The following DSCAML1 variants were observed in gnomAD, a reference collection of about 807,000 sequenced individuals.
DSCAML1 encodes the protein DS cell adhesion molecule like 1, also known as cell adhesion molecule DSCAML1.
DSCAML1 carries 38 observed loss-of-function variants against 200.5 expected under a neutral mutation model. The ratio of observed to expected loss-of-function variants is 0.19; its 90% CI spans 0.15 to 0.25. The LOEUF (loss-of-function observed/expected upper bound fraction) is 0.25, where lower values mean the gene tolerates loss of function less well. Among genes scored for constraint, DSCAML1 ranks in the 10% least tolerant of loss-of-function variants. The pLI is 1.00. For synonymous variants in DSCAML1, 1,215 were observed against 1,165.0 expected (o/e 1.04, Z -0.87); for missense variants, 2,223 against 2,858.8 (o/e 0.78, Z 5.07).
chr11:117,524,701 G>C, intron 5 of DSCAML1, 104 bp downstream of exon 5: 1 of 1,392,212 alleles, frequency 7.2e-7, no homozygotes, highest in Non-Finnish European at 9.6e-7. Flanking sequence ...GTTATTCCCA[G>C]GGCCTGGTCA....
chr11:117,470,401 C>G lies in DSCAML1; in HGVS notation c.2954-421G>C, dbSNP rs375091491. Among the ~76,000 whole-genome samples the G allele has an allele frequency of 1.9e-4, 29 of 152,174 alleles. No individual in the cohort carries two copies. The South Asian group carries it at 2.9e-3, about 15-fold the overall frequency. On this transcript the variant is annotated intron_variant, in intron 15 of 32. Transcript: ENST00000651296. ...CCATCCTGGCTAACAGGGTGAAACCCTGTCTCTACTAAAAATACAAAAAAT... is the reference window on the plus strand; with the variant it reads ...CCATCCTGGCTAACAGGGTGAAACCGTGTCTCTACTAAAAATACAAAAAAT...
At chr11:117,743,844 G>A (rs190729280) in intron 3 of DSCAML1, among the ~76,000 whole-genome samples, 4 of 152,272 alleles carry the variant, frequency 2.6e-5, no homozygotes, top group East Asian at 3.9e-4. Flanking sequence ...TCACATTCCC[G>A]CCGCCATGGG....
intron 3 of DSCAML1, among the ~76,000 whole-genome samples, chr11:117,603,355 C>T (rs2051502780): frequency 6.6e-6 from 1 of 152,200 alleles, no homozygotes; most frequent in African/African-American, 2.4e-5. Context: ...GGTAAGGAAA[C>T]CCCACGTGTA....
Position 117,428,520 on chromosome 11 carries a change from G to A in DSCAML1, c.5970C>T (p.Pro1990=), listed in dbSNP as rs1284730958. The change falls in exon 33 of 33, where the codon CCC becomes CCT. Residue 1990 remains proline, a synonymous_variant. Transcript: ENST00000651296. ...GGGCGGTGGGTGGCTCAGCAGGGGT[G>A]GGGCCGGGGGCTGGGGGGGCTGTGC... ...PAGTAPPAPG[P]TPAEPPTAPS... 5.3e-6 allele frequency: 8 copies of A among 1,496,820 alleles called. No homozygotes were observed. The highest frequency in any genetic ancestry group is 4.2e-5 in the African/African-American group (3 of 71,968). The allele number at this position is 1,496,820 out of a possible 1,614,324, so 92.7% of individuals were successfully genotyped here. A position where few individuals can be genotyped will look rare whatever the true frequency, so the allele number is the denominator to read the frequency against.
At chr11:117,430,559 T>C (rs1175259691) in intron 32 of DSCAML1, among the ~76,000 whole-genome samples, 163 bp downstream of exon 32, 1 of 152,186 alleles carries the variant, frequency 6.6e-6, no homozygotes, top group Non-Finnish European at 1.5e-5. Context: ...GGCCCTGATC[T>C]GCCTGCTCCT....
chr11:117,574,827 A>G (rs904693321), intron 3 of DSCAML1, among the ~76,000 whole-genome samples: 1 of 152,130 alleles, frequency 6.6e-6, no homozygotes, highest in African/African-American at 2.4e-5. Context: ...AAAAGAGTCC[A>G]CTGCCTGGCC....
At chr11:117,448,628 T>C (rs2048225720) in intron 20 of DSCAML1, among the ~76,000 whole-genome samples, 1 of 90,448 alleles carries the variant, frequency 1.1e-5, no homozygotes, top group African/African-American at 4.6e-5. Flanking sequence ...CTAGAATGTG[T>C]GTGTGTGTGT....
chr11:117,812,214 CA>C (rs2055767213), intron 1 of DSCAML1, among the ~76,000 whole-genome samples: 1 of 152,102 alleles, frequency 6.6e-6, no homozygotes, highest in South Asian at 2.1e-4. Flanking sequence ...CACCCCTTAC[CA>C]TCTCATTAAA....
At chr11:117,471,804 C>CAAGCTCATTGCCAGTGAATAGGA in intron 15 of DSCAML1, 65 bp downstream of exon 15, 1 of 1,550,104 alleles carries the variant, frequency 6.5e-7, no homozygotes, top group Non-Finnish European at 8.8e-7. Flanking sequence ...AACAGGATCG[C>CAAGCTCATTGCCAGTGAATAGGA]TGTAGGCCCC....
intron 3 of DSCAML1, among the ~76,000 whole-genome samples, chr11:117,764,179 T>C (rs1392971458): frequency 1.3e-5 from 2 of 152,210 alleles, no homozygotes; most frequent in East Asian, 3.8e-4. Flanking sequence ...CATCCAAGGC[T>C]GTCCCTAAAA....
intron 1 of DSCAML1, among the ~76,000 whole-genome samples, chr11:117,794,285 G>A (rs772008625): frequency 1.2e-4 from 18 of 152,128 alleles, no homozygotes; most frequent in Non-Finnish European, 2.4e-4. Context: ...ATGCTGGCAC[G>A]CTGGATGGAA....
intron 3 of DSCAML1, among the ~76,000 whole-genome samples, chr11:117,692,680 T>C (rs1470367982): frequency 6.6e-6 from 1 of 152,156 alleles, no homozygotes; most frequent in Non-Finnish European, 1.5e-5. Context: ...AGCACCTCAA[T>C]CAATCTTTTC....
At chr11:117,514,958 C>A (rs1209745339) in intron 8 of DSCAML1, among the ~76,000 whole-genome samples, 1 of 152,246 alleles carries the variant, frequency 6.6e-6, no homozygotes, top group African/African-American at 2.4e-5. Context: ...GCTGAGTGGG[C>A]AGCTGTGGGG....
intron 3 of DSCAML1, among the ~76,000 whole-genome samples, chr11:117,675,186 T>C (rs2053186096): frequency 6.6e-6 from 1 of 152,240 alleles, no homozygotes; most frequent in African/African-American, 2.4e-5. Context: ...TGTGTTAGCG[T>C]TTATAATTCT....
At chr11:117,607,859 C>A (rs148421519) in intron 3 of DSCAML1, among the ~76,000 whole-genome samples, 4 of 152,326 alleles carry the variant, frequency 2.6e-5, no homozygotes, top group Non-Finnish European at 5.9e-5. Flanking sequence ...ATCAAGCGTC[C>A]TTGTCAATAG....
chr11:117,718,596 G>A (rs2053991141), intron 3 of DSCAML1, among the ~76,000 whole-genome samples: 1 of 148,556 alleles, frequency 6.7e-6, no homozygotes, highest in African/African-American at 2.5e-5. Flanking sequence ...TGTGATTCAG[G>A]AAGGTGTATG....
chr11:117,631,725 T>C (rs1415361525), intron 3 of DSCAML1, among the ~76,000 whole-genome samples: 1 of 151,920 alleles, frequency 6.6e-6, no homozygotes, highest in Non-Finnish European at 1.5e-5. Context: ...CATGTCCCAT[T>C]ACTCCTTCAA....
chr11:117,702,143 A>G (rs1337057705), intron 3 of DSCAML1, among the ~76,000 whole-genome samples: 1 of 152,118 alleles, frequency 6.6e-6, no homozygotes, highest in Non-Finnish European at 1.5e-5. Flanking sequence ...TCCTTCCAGA[A>G]TGATCTCTCT....
chr11:117,798,611 C>T (rs1004560634), upstream of DSCAML1, among the ~76,000 whole-genome samples: 3 of 152,108 alleles, frequency 2.0e-5, no homozygotes, highest in African/African-American at 4.8e-5. Context: ...AATAACTCCC[C>T]CTTCCCCTCC....
Sources: gnomAD v4.1 joint callset for allele counts (sites outside exome capture counted in the v4.1 genomes callset) on GRCh38, gnomAD v4.1.1 for gene constraint, MANE v1.5 for transcripts, NCBI Gene and HGNC (gene_info 2026-07-23, HGNC 2026-07-21) for gene names.